ERBB4: variants seen among roughly 807,000 people sequenced by gnomAD.
ERBB4 encodes the protein erb-b2 receptor tyrosine kinase 4.
ERBB4 carries 42 observed loss-of-function variants against 158.0 expected under a neutral mutation model. The observed-to-expected ratio is 0.27, with a 90% CI of 0.21 to 0.34. The LOEUF is 0.34. Among genes scored for constraint, ERBB4 ranks in the 10% least tolerant of loss-of-function variants. The pLI, the probability that ERBB4 is intolerant of heterozygous loss-of-function variation, is 1.00. For missense variants in ERBB4, 1,333 were observed against 1,624.1 expected (o/e 0.82, Z 3.08); for synonymous variants, 583 against 558.7 (o/e 1.04, Z -0.61).
At chr2:211,708,368 G>A (rs572047236) in intron 9 of ERBB4, among the ~76,000 whole-genome samples, 56 of 152,116 alleles carry the variant, frequency 3.7e-4, no homozygotes, top group African/African-American at 1.1e-3. Context: ...AGGTTTAAGC[G>A]CTATGATTAA....
chr2:211,956,426 C>G (rs1247103842), intron 2 of ERBB4, among the ~76,000 whole-genome samples: 2 of 152,072 alleles, frequency 1.3e-5, no homozygotes, highest in East Asian at 3.9e-4. Context: ...GATGAGTATT[C>G]TCCACAGAGA....
intron 1 of ERBB4, chr2:212,125,215 A>C (rs927909048): frequency 4.8e-6 from 1 of 210,152 alleles, no homozygotes; most frequent in East Asian, 1.1e-4. Flanking sequence ...TTATTTAAAC[A>C]TTTTTTTTTT....
chr2:211,401,998 A>G (rs1391890432), intron 25 of ERBB4, among the ~76,000 whole-genome samples: 1 of 151,806 alleles, frequency 6.6e-6, no homozygotes, highest in Non-Finnish European at 1.5e-5. Flanking sequence ...GAAAATTATT[A>G]AGCCAGGGTG....
intron 3 of ERBB4, among the ~76,000 whole-genome samples, chr2:211,924,954 C>T (rs974314571): frequency 6.6e-6 from 1 of 151,960 alleles, no homozygotes; most frequent in Non-Finnish European, 1.5e-5. Context: ...TACTTTTTTT[C>T]CCCTTGGAAA....
chr2:212,519,655 C>T (rs541737901), intron 1 of ERBB4, among the ~76,000 whole-genome samples: 41 of 151,572 alleles, frequency 2.7e-4, no homozygotes, highest in Non-Finnish European at 5.3e-4. Flanking sequence ...GTGAATCTGT[C>T]GGACATTACG....
chr2:212,350,043 A>G (rs1241785821), intron 1 of ERBB4, among the ~76,000 whole-genome samples: 2 of 152,168 alleles, frequency 1.3e-5, no homozygotes, highest in Non-Finnish European at 2.9e-5. Context: ...TTTAAAATCA[A>G]TGCTTAAAAA....
intron 2 of ERBB4, among the ~76,000 whole-genome samples, chr2:212,048,541 C>G (rs2077315952): frequency 6.6e-6 from 1 of 151,992 alleles, no homozygotes; most frequent in African/African-American, 2.4e-5. Flanking sequence ...GAAGGTAATC[C>G]CTAGATATTT....
intron 20 of ERBB4, among the ~76,000 whole-genome samples, chr2:211,561,269 A>AC: frequency 6.6e-6 from 1 of 152,336 alleles, no homozygotes; most frequent in South Asian, 2.1e-4. Flanking sequence ...TCTTAAAAAA[A>AC]TTAAAAGATC....
At chr2:212,018,222 C>T (rs1179748786) in intron 2 of ERBB4, among the ~76,000 whole-genome samples, 1 of 152,064 alleles carries the variant, frequency 6.6e-6, no homozygotes, top group Non-Finnish European at 1.5e-5. Context: ...CAGAGTCATC[C>T]AACAAGCCAC....
intron 1 of ERBB4, among the ~76,000 whole-genome samples, chr2:212,186,383 T>C (rs1295924621): frequency 6.6e-6 from 1 of 152,210 alleles, no homozygotes; most frequent in African/African-American, 2.4e-5. Flanking sequence ...GTCAGCAAGA[T>C]ATCTCTCAGT....
At chr2:212,062,612 G>A (rs1448084807) in intron 2 of ERBB4, among the ~76,000 whole-genome samples, 1 of 151,826 alleles carries the variant, frequency 6.6e-6, no homozygotes, top group Admixed American at 6.6e-5. Flanking sequence ...TCACCATGTT[G>A]GCCAGGATGG....
At chr2:211,956,029 AGTGTGTGTGTGTGT>A (rs3070122) in intron 2 of ERBB4, among the ~76,000 whole-genome samples, 4 of 146,426 alleles carry the variant, frequency 2.7e-5, no homozygotes, top group South Asian at 2.2e-4. Flanking sequence ...TCATCTCTAA[AGTGTGTGTGTGTGT>A]GTGTGTGTGT....
chr2:212,439,088 C>A (rs2092197990), intron 1 of ERBB4, among the ~76,000 whole-genome samples: 1 of 152,116 alleles, frequency 6.6e-6, no homozygotes, highest in Admixed American at 6.6e-5. Flanking sequence ...TAAGCACTAG[C>A]TTTGAAAGGA....
rs574342589 is a variant in ERBB4 at position 212,016,027 on chromosome 2, G to GAA, written c.235-68413_235-68412dup. Among the ~76,000 whole-genome samples, 1,198 of 139,788 alleles carry GAA rather than the reference G, an allele frequency of 8.6e-3. 11 individuals are homozygous for GAA. Among genetic ancestry groups the GAA allele is most frequent in the African/African-American group, 0.028 (1,076 of 38,744 alleles). The allele number at this position is 139,788 out of a possible 152,430, so 91.7% of individuals were successfully genotyped here. ...TTTTATAGCGTAGGACTACTGACCA[G>GAA]AAAAAAAAAAAATGCATTGGTGCAT... On this transcript the variant is annotated intron_variant, in intron 2 of 27. Transcript: ENST00000342788.
chr2:212,433,614 G>C (rs1198003529), intron 1 of ERBB4, among the ~76,000 whole-genome samples: 2 of 151,916 alleles, frequency 1.3e-5, no homozygotes. Flanking sequence ...AACAAGAACA[G>C]CTGATCCAAG....
chr2:212,140,424 A>G (rs1046488105), intron 1 of ERBB4, among the ~76,000 whole-genome samples: 3 of 136,260 alleles, frequency 2.2e-5, no homozygotes. Context: ...TATATATGTT[A>G]TATATATATA....
intron 1 of ERBB4, among the ~76,000 whole-genome samples, chr2:212,369,185 A>G (rs1427554734): frequency 6.6e-6 from 1 of 152,208 alleles, no homozygotes; most frequent in Non-Finnish European, 1.5e-5. Context: ...AAGTTCATAA[A>G]AAGAGATTAA....
At chr2:212,055,818 AAG>A (rs2077546485) in intron 2 of ERBB4, among the ~76,000 whole-genome samples, 1 of 152,250 alleles carries the variant, frequency 6.6e-6, no homozygotes, top group South Asian at 2.1e-4. Flanking sequence ...TAAAACCACA[AAG>A]ATGGGGAAAA....
At chr2:212,464,316 G>A (rs1370034850) in intron 1 of ERBB4, among the ~76,000 whole-genome samples, 2 of 152,004 alleles carry the variant, frequency 1.3e-5, no homozygotes, top group Non-Finnish European at 2.9e-5. Context: ...ATTTATTTCT[G>A]AGACCAGAAG....
Sources: allele counts gnomAD v4.1 joint callset (sites outside exome capture counted in the v4.1 genomes callset), GRCh38; gene constraint gnomAD v4.1.1; transcripts MANE v1.5; gene names NCBI Gene and HGNC (gene_info 2026-07-23, HGNC 2026-07-21).